Variants in ZNF211 observed in about 807,000 individuals in gnomAD.
ZNF211 encodes zinc finger protein C2H2-25.
ZNF211 carries 18 observed loss-of-function variants against 12.1 expected under a neutral mutation model. The observed-to-expected ratio is 1.48, with a 90% CI of 1.03 to 2.20. The LOEUF (loss-of-function observed/expected upper bound fraction) is 2.20, where lower values mean the gene tolerates loss of function less well. Among genes scored for constraint, ZNF211 ranks in the 30% most tolerant of loss-of-function variants. The probability of loss-of-function intolerance (pLI) is 0.00; values close to 1 mark genes in which losing one functional copy is unlikely to be tolerated. For synonymous variants in ZNF211, 249 were observed against 246.0 expected (o/e 1.01, Z -0.11); for missense variants, 677 against 703.1 (o/e 0.96, Z 0.42).
rs1244710297 is a variant in ZNF211, at chr19:57,640,967, G to C, written c.520G>C (p.Ala174Pro). 2 of 1,614,180 alleles carry C rather than the reference G, an allele frequency of 1.2e-6. No individual in the cohort carries two copies. The highest frequency in any genetic ancestry group is 2.2e-5 in the East Asian group (1 of 44,882). The change falls in exon 4 of 4, where the codon GCA becomes CCA. Residue 174 changes from alanine (A) to proline (P), a missense_variant. By Grantham distance (27) the Ala-to-Pro change is conservative. Transcript: ENST00000240731. ...QQHQRQHITE[A>P]PFRSYVDTAS... Reference sequence around the variant, plus strand: ...GCACCAGAGGCAGCACATTACAGAGGCACCTTTCAGAAGTTATGTGGACAC... The same window carrying C: ...GCACCAGAGGCAGCACATTACAGAGCCACCTTTCAGAAGTTATGTGGACAC...
At position 57,642,988 on chromosome 19, in the gene ZNF211, T is replaced by A. The variant is rs1338120035; in HGVS notation, c.*807T>A. ...TAGGAAATACTGCAGGATATTATGG[T>A]CTTAATTCGTGGACTGGATGCAAGG... On this transcript the variant is annotated 3_prime_UTR_variant, in exon 4 of 4. Coordinates refer to ENST00000240731, the MANE Select transcript of ZNF211 (RefSeq NM_006385.5). 6.6e-6 allele frequency among the ~76,000 whole-genome samples: 1 copy of A among 152,134 alleles called. No individual in the cohort carries two copies. Among genetic ancestry groups the A allele is most frequent in the Non-Finnish European group, 1.5e-5 (1 of 68,036 alleles).
At chr19:57,640,577 C>G (rs1319102158) in intron 3 of ZNF211, 127 bp from the exon 4 acceptor site, 3 of 1,240,322 alleles carry the variant, frequency 2.4e-6, no homozygotes, top group African/African-American at 1.5e-5. Flanking sequence ...ACCTGACCCC[C>G]CAACTCACTT....
In ZNF211 at chr19:57,641,774, T is replaced by C. The variant is rs1036451245; in HGVS notation, c.1327T>C (p.Cys443Arg). The C allele has an allele frequency of 2.5e-6, 4 of 1,613,880 alleles. No individual in the cohort carries two copies. The highest frequency in any genetic ancestry group is 3.4e-6 in the Non-Finnish European group (4 of 1,179,974). ...TGERPYECSK[C>R]GKSFKQSSSF... ...AGAAAGACCCTATGAGTGCAGTAAA[T>C]GTGGGAAGTCATTTAAGCAAAGCTC... The change falls in exon 4 of 4, where the codon TGT (cysteine) becomes CGT (arginine). Residue 443 changes from cysteine (C) to arginine (R), a missense_variant. Transcript: ENST00000240731.
rs1299532658 is a variant in ZNF211 at position 57,633,826 on chromosome 19, C to T, written c.91-197C>T. ...AAAAGACTTTAGAGATGGATGAGGA[C>T]GTTGAGGCAGAGGGAGGTTGAATAT... On this transcript the variant is annotated intron_variant, in intron 1 of 3. Transcript: ENST00000240731. The T allele has an allele frequency of 1.9e-6, 3 of 1,586,198 alleles. No individual in the cohort carries two copies. In the African/African-American group the frequency reaches 4.0e-5, roughly 21 times the overall value.
chr19:57,641,011 T>C lies in ZNF211; in HGVS notation c.564T>C (p.Ser188=), dbSNP rs1403255072. 6.2e-7 allele frequency: 1 copy of C among 1,613,980 alleles called. No individual in the cohort carries two copies. The highest frequency in any genetic ancestry group is 8.5e-7 in the Non-Finnish European group (1 of 1,180,038). ...TGGACACTGCCTCGTTTACACAGAG[T>C]TGCATAGTCCATGTGTCGGAGAAAC... is the stretch of plus-strand genomic sequence containing the variant. ...SYVDTASFTQ[S]CIVHVSEKPF... Residue 188 remains serine (S), a synonymous_variant, in exon 4 of 4, where the codon AGT becomes AGC. Coordinates refer to ENST00000240731, the MANE Select transcript of ZNF211 (RefSeq NM_006385.5).
Position 57,643,897 on chromosome 19 carries a change from T to G in ZNF211, c.*1716T>G, listed in dbSNP as rs1157550573. 6.6e-6 allele frequency among the ~76,000 whole-genome samples: 1 copy of G among 152,234 alleles called. No individual in the cohort carries two copies. Among genetic ancestry groups the G allele is most frequent in the Non-Finnish European group, 1.5e-5 (1 of 68,044 alleles). On this transcript the variant is annotated 3_prime_UTR_variant, in exon 4 of 4. Coordinates refer to ENST00000240731, the MANE Select transcript of ZNF211 (RefSeq NM_006385.5). ...ATGATGCATAATTATTTTGAGATTC[T>G]TCAATGGAGCTTATATGTGGTGGTC...
At chr19:57,634,225 G>A (rs1364906989) in intron 2 of ZNF211, 164 bp downstream of exon 2, 2 of 697,742 alleles carry the variant, frequency 2.9e-6, no homozygotes, top group Non-Finnish European at 4.4e-6. Flanking sequence ...CCTGAGTCCA[G>A]GCCAATGTTT....
Position 57,642,245 on chromosome 19 carries a change from A to G in ZNF211, c.*64A>G, listed in dbSNP as rs969406234. The G allele has an allele frequency of 1.3e-6, 2 of 1,497,888 alleles. No individual in the cohort carries two copies. Among genetic ancestry groups the G allele is most frequent in the Non-Finnish European group, 1.8e-6 (2 of 1,120,990 alleles). The allele number at this position is 1,497,888 out of a possible 1,614,324, so 92.8% of individuals were successfully genotyped here. A position where few individuals can be genotyped will look rare whatever the true frequency, so the allele number is the denominator to read the frequency against. On this transcript the variant is annotated 3_prime_UTR_variant, in exon 4 of 4. Coordinates refer to ENST00000240731, the MANE Select transcript of ZNF211 (RefSeq NM_006385.5). ...TACTGAAGGAGTACACCTGTGAGAG[A>G]GACAAGTACCTGATTTGGAAGCCCC...
intron 3 of ZNF211, among the ~76,000 whole-genome samples, chr19:57,636,391 T>C (rs1056816579): frequency 6.6e-6 from 1 of 152,190 alleles, no homozygotes; most frequent in Non-Finnish European, 1.5e-5. Flanking sequence ...CTTTGATCTG[T>C]TTTGAATTAA....
Position 57,641,601 on chromosome 19 carries a change from G to A in ZNF211, c.1154G>A (p.Ser385Asn), listed in dbSNP as rs868415119. 14 of 1,612,626 alleles carry A rather than the reference G, an allele frequency of 8.7e-6. No homozygotes were observed. The highest frequency in any genetic ancestry group is 1.3e-5 in the African/African-American group (1 of 74,826). ...ACTGGAGAAAGGCCTTATGAATGCA[G>A]CGAATGTGGGAAATCTTTTAGCCAA... ...VHTGERPYEC[S>N]ECGKSFSQNF... is the part of the protein sequence containing the mutation. The change falls in exon 4 of 4, where the codon AGC becomes AAC. Residue 385 changes from serine to asparagine, a missense_variant. By Grantham distance (46) the Ser-to-Asn change is conservative. Coordinates refer to ENST00000240731, the MANE Select transcript of ZNF211 (RefSeq NM_006385.5).
intron 3 of ZNF211, among the ~76,000 whole-genome samples, chr19:57,639,528 T>A (rs1423050793): frequency 6.9e-6 from 1 of 145,910 alleles, no homozygotes; most frequent in Non-Finnish European, 1.5e-5. Context: ...CAAGCGATTA[T>A]CCTGCCTCAG....
chr19:57,638,818 T>C (rs894306038), intron 3 of ZNF211, among the ~76,000 whole-genome samples: 5 of 152,346 alleles, frequency 3.3e-5, no homozygotes, highest in East Asian at 1.9e-4. Context: ...CTAACTGTTA[T>C]TGTAGAACTA....
At chr19:57,634,598 T>C in intron 2 of ZNF211, 31 bp from the exon 3 acceptor site, 1 of 1,522,740 alleles carries the variant, frequency 6.6e-7, no homozygotes, top group Non-Finnish European at 8.8e-7. Context: ...ATTGAGACTG[T>C]TCATGGTTTC....
rs936386547 is a variant in ZNF211 at position 57,641,120 on chromosome 19, C to G, written c.673C>G (p.Pro225Ala). The G allele has an allele frequency of 1.9e-6, 3 of 1,614,084 alleles. No individual in the cohort carries two copies. The highest frequency in any genetic ancestry group is 2.5e-6 in the Non-Finnish European group (3 of 1,180,020). The stretch of plus-strand genomic sequence containing the variant: ...AGACGCCACTCAAACAGGGGAGAAG[C>G]CAAATAACAGTAACAAGTGTGCGGT... ...HQDATQTGEK[P>A]NNSNKCAVAF... Residue 225 changes from proline to alanine, a missense_variant, in exon 4 of 4, where the codon CCA becomes GCA. Pro to Ala is a conservative substitution (Grantham distance 27, BLOSUM62 -1). Transcript: ENST00000240731.
At chr19:57,634,796 C>T (rs765032114) in intron 3 of ZNF211, 41 bp downstream of exon 3, 2 of 1,480,224 alleles carry the variant, frequency 1.4e-6, no homozygotes, top group East Asian at 5.0e-5. Flanking sequence ...GGACTAGGCT[C>T]TCTGTTTCTC....
At chr19:57,633,466 G>C (rs771800398) in intron 1 of ZNF211, 30 bp downstream of exon 1, 1 of 1,569,006 alleles carries the variant, frequency 6.4e-7, no homozygotes, top group Non-Finnish European at 8.6e-7. Flanking sequence ...GGCCTCCCCC[G>C]GCCGAGATTC....
rs558577946 is a variant in ZNF211, at chr19:57,639,826, T to C, written c.257-878T>C. 3.0e-6 allele frequency: 4 copies of C among 1,349,192 alleles called. No individual in the cohort carries two copies. The East Asian group carries it at 7.7e-5, about 26-fold the overall frequency. 83.6% of individuals were successfully genotyped at this position (1,349,192 alleles called of 1,614,324 possible). A position where few individuals can be genotyped will look rare whatever the true frequency, so the allele number is the denominator to read the frequency against. On this transcript the variant is annotated intron_variant, in intron 3 of 3. Coordinates refer to ENST00000240731, the MANE Select transcript of ZNF211 (RefSeq NM_006385.5). ...ACTCTAACTTGAATTTATACAAACT[T>C]AACTTCTTTAACTTTCCTTGTTCTT...
chr19:57,641,165 A>C lies in ZNF211; in HGVS notation c.718A>C (p.Ser240Arg), dbSNP rs760686168. 6.2e-7 allele frequency: 1 copy of C among 1,614,112 alleles called. No homozygotes were observed. Among genetic ancestry groups the C allele is most frequent in the African/African-American group, 1.3e-5 (1 of 74,944 alleles). ...TGCGGTGGCCTTTTACAGTGGAAAA[A>C]GTCATCACAACTGGGGAAAATGCAG... is the stretch of plus-strand genomic sequence containing the variant. ...KCAVAFYSGK[S>R]HHNWGKCSKA... is the part of the protein sequence containing the mutation. Residue 240 changes from serine to arginine, a missense_variant, in exon 4 of 4, where the codon AGT becomes CGT. Physicochemically the swap from Ser to Arg is moderately radical, Grantham distance 110. Coordinates refer to ENST00000240731, the MANE Select transcript of ZNF211 (RefSeq NM_006385.5).
rs1376645575 is a variant in ZNF211, at chr19:57,643,553, TTAAA to T, written c.*1374_*1377del. Among the ~76,000 whole-genome samples the T allele has an allele frequency of 6.6e-6, 1 of 152,156 alleles. No homozygotes were observed. The highest frequency in any genetic ancestry group is 2.4e-5 in the African/African-American group (1 of 41,422). On this transcript the variant is annotated 3_prime_UTR_variant, in exon 4 of 4. Coordinates refer to ENST00000240731, the MANE Select transcript of ZNF211 (RefSeq NM_006385.5). Reference sequence around the variant, plus strand: ...TTTGTAACCTACCATCATCCTGTGTTTAAATGAATTCAAATCAGTTTCATTGATT... The same window carrying T: ...TTTGTAACCTACCATCATCCTGTGTTTGAATTCAAATCAGTTTCATTGATT...
Sources: gnomAD v4.1 joint callset for allele counts (sites outside exome capture counted in the v4.1 genomes callset) on GRCh38, gnomAD v4.1.1 for gene constraint, MANE v1.5 for transcripts, NCBI Gene and HGNC (gene_info 2026-07-23, HGNC 2026-07-21) for gene names.